The following CSF1R variants were observed in gnomAD, a reference collection of about 807,000 sequenced individuals.
CSF1R encodes colony stimulating factor 1 receptor, also known as macrophage colony-stimulating factor 1 receptor.
Under a neutral mutation model 110.0 loss-of-function variants are expected in CSF1R, and 40 were observed. The observed-to-expected ratio is 0.36, with a 90% CI of 0.28 to 0.47. The LOEUF (loss-of-function observed/expected upper bound fraction) is 0.47, where lower values mean the gene tolerates loss of function less well. Ranked by LOEUF, CSF1R falls within the 20% of genes least tolerant of loss-of-function variation. The probability of loss-of-function intolerance (pLI) is 0.99; values close to 1 mark genes in which losing one functional copy is unlikely to be tolerated. For synonymous variants in CSF1R, 523 were observed against 503.4 expected (o/e 1.04, Z -0.52); for missense variants, 1,052 against 1,253.0 (o/e 0.84, Z 2.42).
chr5:150,063,400 G>A (rs76992032), intron 10 of CSF1R, among the ~76,000 whole-genome samples: 5 of 151,852 alleles, frequency 3.3e-5, no homozygotes, highest in African/African-American at 9.7e-5. Context: ...TCATGCCGGA[G>A]TGCAGTGGCA....
chr5:150,055,942 TG>T, intron 18 of CSF1R, 83 bp downstream of exon 18: 2 of 1,271,136 alleles, frequency 1.6e-6, no homozygotes, highest in Non-Finnish European at 2.2e-6. Context: ...CGCTGTGTCC[TG>T]GGCACCAAAC....
At chr5:150,086,259 A>G (rs1758841460) in intron 1 of CSF1R, 120 bp downstream of exon 1, 1 of 918,666 alleles carries the variant, frequency 1.1e-6, no homozygotes, top group African/African-American at 1.6e-5. Context: ...CCTGCAGTCC[A>G]GTGTTGGGGA....
At chr5:150,057,669 C>G in intron 14 of CSF1R, 77 bp from the exon 15 acceptor site, 1 of 1,060,876 alleles carries the variant, frequency 9.4e-7, no homozygotes, top group Middle Eastern at 2.1e-4. Context: ...TGACCACCCA[C>G]CACCCCATGG....
Position 150,070,307 on chromosome 5 carries a change from G to A in CSF1R, c.1199-5C>T, listed in dbSNP as rs746523144. ...TGACGCTTACCTCTGGGGGGTCTGA[G>A]GAAGAAAGGAGGAGGCCCCAAGTCA... On this transcript the variant is annotated splice_polypyrimidine_tract_variant and splice_region_variant and intron_variant, in intron 7 of 20. Transcript: ENST00000675795. The A allele has an allele frequency of 1.9e-6, 3 of 1,613,400 alleles. No homozygotes were observed. The South Asian group carries it at 3.3e-5, about 18-fold the overall frequency.
chr5:150,077,250 C>T lies in CSF1R; in HGVS notation c.889+26G>A, dbSNP rs776541525. ...CACACTCCTGCAGGATCCCTACCGA[C>T]TGTCCACCACCACCCTGATGCTTAC... is the stretch of plus-strand genomic sequence containing the variant. On this transcript the variant is annotated intron_variant, in intron 5 of 20. Transcript: ENST00000675795. The T allele has an allele frequency of 8.1e-6, 13 of 1,614,170 alleles. 1 individual carries two copies. The South Asian group carries it at 1.4e-4, about 18-fold the overall frequency.
chr5:150,054,975 C>T (rs1265082235), intron 19 of CSF1R, among the ~76,000 whole-genome samples: 1 of 117,346 alleles, frequency 8.5e-6, no homozygotes, highest in Non-Finnish European at 1.6e-5. Flanking sequence ...GCCCGGGCTA[C>T]AGAGCAAGAT....
intron 1 of CSF1R, among the ~76,000 whole-genome samples, chr5:150,106,668 A>T (rs1759566137): frequency 6.6e-6 from 1 of 152,186 alleles, no homozygotes; most frequent in African/African-American, 2.4e-5. Flanking sequence ...CATAGAGCAG[A>T]TCAAGGCCAT....
intron 14 of CSF1R, among the ~76,000 whole-genome samples, chr5:150,059,277 C>T (rs1757389325): frequency 1.3e-5 from 2 of 152,218 alleles, no homozygotes; most frequent in African/African-American, 4.8e-5. Context: ...CTCCCATCCT[C>T]AGGTGATCTG....
intron 6 of CSF1R, among the ~76,000 whole-genome samples, chr5:150,071,127 T>G (rs1758014989): frequency 6.6e-6 from 1 of 152,202 alleles, no homozygotes; most frequent in Admixed American, 6.5e-5. Flanking sequence ...ATTCACAGGC[T>G]TGGCTTGAGG....
rs145276897 is a variant in CSF1R at position 150,080,269 on chromosome 5, C to T, written c.375G>A (p.Leu125=). ...VVVFEDQDAL[L]PCLLTDPVLE... ...GCACCGGGTCTGTGAGCAGACAGGG[C>T]AGTAGTGCGTCCTGGTCCTCGAACA... Residue 125 remains leucine, a synonymous_variant, in exon 3 of 21, where the codon CTG becomes CTA. Coordinates refer to ENST00000675795, the MANE Select transcript of CSF1R (RefSeq NM_001288705.3). The T allele has an allele frequency of 8.9e-5, 144 of 1,613,990 alleles. No individual in the cohort carries two copies. In the African/African-American group the frequency reaches 1.6e-3, roughly 18 times the overall value.
intron 3 of CSF1R, 78 bp from the exon 4 acceptor site, chr5:150,078,326 G>T: frequency 6.5e-7 from 1 of 1,549,034 alleles, no homozygotes; most frequent in Admixed American, 1.9e-5. Flanking sequence ...CCTGCCATGG[G>T]CCAGGACACA....
chr5:150,064,013 C>T (rs936651496), intron 10 of CSF1R, among the ~76,000 whole-genome samples: 1 of 152,214 alleles, frequency 6.6e-6, no homozygotes, highest in African/African-American at 2.4e-5. Flanking sequence ...CAACGTGGTG[C>T]AGCTGAAGGC....
Position 150,055,356 on chromosome 5 carries a change from G to T in CSF1R, c.2555-20C>A. ...TCAGCCCTGCAAAGGCCAAGATCAG[G>T]TAAGAGGCCATGCCCATTGTCTTCT... On this transcript the variant is annotated intron_variant, in intron 18 of 20. Transcript: ENST00000675795. The T allele has an allele frequency of 6.2e-7, 1 of 1,603,620 alleles. No individual in the cohort carries two copies. The highest frequency in any genetic ancestry group is 8.5e-7 in the Non-Finnish European group (1 of 1,170,462).
At chr5:150,078,602 T>C (rs1276866650) in intron 3 of CSF1R, among the ~76,000 whole-genome samples, 1 of 152,164 alleles carries the variant, frequency 6.6e-6, no homozygotes, top group Non-Finnish European at 1.5e-5. Context: ...GGACCATGCC[T>C]CTCTCCTCTG....
At chr5:150,076,085 G>T (rs1245421808) in intron 5 of CSF1R, among the ~76,000 whole-genome samples, 1 of 152,204 alleles carries the variant, frequency 6.6e-6, no homozygotes, top group Non-Finnish European at 1.5e-5. Context: ...TCCAGTGACT[G>T]CCACTGCCTG....
intron 1 of CSF1R, among the ~76,000 whole-genome samples, chr5:150,103,677 T>C (rs1759467635): frequency 6.6e-6 from 1 of 152,202 alleles, no homozygotes; most frequent in African/African-American, 2.4e-5. Context: ...GCATTGGAGC[T>C]GGGCCTTGAA....
At chr5:150,103,194 C>T (rs1180727556) in intron 1 of CSF1R, among the ~76,000 whole-genome samples, 1 of 152,250 alleles carries the variant, frequency 6.6e-6, no homozygotes, top group African/African-American at 2.4e-5. Flanking sequence ...CTGGGCGCCA[C>T]TCCCCACTAC....
At chr5:150,073,830 A>T (rs771880592) in intron 5 of CSF1R, among the ~76,000 whole-genome samples, 26 of 152,320 alleles carry the variant, frequency 1.7e-4, no homozygotes, top group Admixed American at 6.5e-4. Flanking sequence ...ACACACACAC[A>T]CATACACACA....
At chr5:150,081,128 C>T in intron 1 of CSF1R, 104 bp from the exon 2 acceptor site, 1 of 1,353,904 alleles carries the variant, frequency 7.4e-7, no homozygotes, top group Non-Finnish European at 1.0e-6. Flanking sequence ...TGGTGCTGTG[C>T]CATCAAGGGA....
Sources: gnomAD v4.1 joint callset for allele counts (sites outside exome capture counted in the v4.1 genomes callset) on GRCh38, gnomAD v4.1.1 for gene constraint, MANE v1.5 for transcripts, NCBI Gene and HGNC (gene_info 2026-07-23, HGNC 2026-07-21) for gene names.